The following MAPK8IP3 variants were observed in gnomAD, a reference collection of about 807,000 sequenced individuals.
MAPK8IP3 encodes the protein C-Jun-amino-terminal kinase-interacting protein 3.
In MAPK8IP3, 49 loss-of-function variants were observed where a neutral mutation model predicts 157.8. That is an observed-to-expected ratio of 0.31 (90% CI 0.25 to 0.39). MAPK8IP3 has a LOEUF of 0.39. Among genes scored for constraint, MAPK8IP3 ranks in the 10% least tolerant of loss-of-function variants. The pLI, the probability that MAPK8IP3 is intolerant of heterozygous loss-of-function variation, is 1.00. For synonymous variants in MAPK8IP3, 897 were observed against 777.7 expected (o/e 1.15, Z -2.55); for missense variants, 1,478 against 1,889.4 (o/e 0.78, Z 4.04).
chr16:1,750,049 T>C (rs2041201048), intron 8 of MAPK8IP3, among the ~76,000 whole-genome samples: 3 of 152,084 alleles, frequency 2.0e-5, no homozygotes, highest in Admixed American at 2.0e-4. Flanking sequence ...GGGCGCACTT[T>C]GGTGCTGTGA....
chr16:1,720,805 CA>C (rs1567142660), intron 1 of MAPK8IP3, among the ~76,000 whole-genome samples: 1 of 152,150 alleles, frequency 6.6e-6, no homozygotes, highest in Non-Finnish European at 1.5e-5. Flanking sequence ...GAGGCAGAAG[CA>C]GGCGGATCAC....
Position 1,761,311 on chromosome 16 carries a change from T to C in MAPK8IP3, c.1539+6T>C, listed in dbSNP as rs778127682. 1 of 1,611,886 alleles carries C rather than the reference T, an allele frequency of 6.2e-7. No individual in the cohort carries two copies. Among genetic ancestry groups the C allele is most frequent in the Non-Finnish European group, 8.5e-7 (1 of 1,178,954 alleles). ...GCTATCTCTGTACAGAATCGGTACA[T>C]CCACTCTTCACTCTTCACATGCGGG... On this transcript the variant is annotated splice_donor_region_variant and intron_variant, in intron 13 of 31. Coordinates refer to ENST00000610761, the MANE Select transcript of MAPK8IP3 (RefSeq NM_001318852.2).
chr16:1,728,485 A>G (rs1422479320), intron 2 of MAPK8IP3, among the ~76,000 whole-genome samples: 1 of 152,204 alleles, frequency 6.6e-6, no homozygotes, highest in African/African-American at 2.4e-5. Context: ...GGCTGACTTT[A>G]GCACAGAGAG....
intron 2 of MAPK8IP3, among the ~76,000 whole-genome samples, chr16:1,725,149 T>TTTTTTA (rs368464070): frequency 1.1e-3 from 165 of 144,472 alleles, no homozygotes; most frequent in Non-Finnish European, 1.9e-3. Context: ...GCAGAAAGGG[T>TTTTTTA]TTATTATTAT....
chr16:1,768,970 G>T lies in MAPK8IP3; in HGVS notation c.*146G>T, dbSNP rs773982203. ...TTCACCTGAGTCTGGCCCCTCCAGCGGGCAGGGAGTGCGGGGATGCGGATC... is the reference window on the plus strand; with the variant it reads ...TTCACCTGAGTCTGGCCCCTCCAGCTGGCAGGGAGTGCGGGGATGCGGATC... On this transcript the variant is annotated 3_prime_UTR_variant, in exon 32 of 32. Transcript: ENST00000610761. The T allele has an allele frequency of 3.2e-6, 3 of 934,582 alleles. No homozygotes were observed. Among genetic ancestry groups the T allele is most frequent in the Admixed American group, 2.5e-5 (1 of 40,800 alleles). The allele number at this position is 934,582 out of a possible 1,614,324, so 57.9% of individuals were successfully genotyped here.
Position 1,724,732 on chromosome 16 carries a change from G to A in MAPK8IP3, c.439+55G>A, listed in dbSNP as rs1381417605. On this transcript the variant is annotated intron_variant, in intron 2 of 31. Transcript: ENST00000610761. The surrounding 1 kb of genome is among the most constrained non-coding windows in gnomAD (Gnocchi z 4.1). Reference sequence around the variant, plus strand: ...GCTTGATGGGCGCTGCTCTGGGACGGCTCTGGTTGGGGTGGGCATGGAGCG... The same window carrying A: ...GCTTGATGGGCGCTGCTCTGGGACGACTCTGGTTGGGGTGGGCATGGAGCG... 6.3e-6 allele frequency: 10 copies of A among 1,583,844 alleles called. No individual in the cohort carries two copies. The highest frequency in any genetic ancestry group is 7.7e-6 in the Non-Finnish European group (9 of 1,161,818).
chr16:1,722,432 A>C (rs745594352), intron 1 of MAPK8IP3, among the ~76,000 whole-genome samples: 1 of 152,212 alleles, frequency 6.6e-6, no homozygotes, highest in Non-Finnish European at 1.5e-5. Context: ...CGAGGAGCCT[A>C]GTATCCGGGT....
At chr16:1,739,477 CGTGT>C (rs2040461850) in intron 4 of MAPK8IP3, among the ~76,000 whole-genome samples, 1 of 103,504 alleles carries the variant, frequency 9.7e-6, no homozygotes, top group Non-Finnish European at 1.9e-5. Context: ...TGTGACCGTC[CGTGT>C]GAGCATGTGT....
At chr16:1,734,693 CTT>C (rs1166983582) in intron 4 of MAPK8IP3, among the ~76,000 whole-genome samples, 1 of 152,262 alleles carries the variant, frequency 6.6e-6, no homozygotes, top group Non-Finnish European at 1.5e-5. Context: ...CCTGCTCTCT[CTT>C]CTCTGGTGTG....
chr16:1,709,261 G>A (rs2142260738), intron 1 of MAPK8IP3, among the ~76,000 whole-genome samples: 1 of 152,354 alleles, frequency 6.6e-6, no homozygotes, highest in South Asian at 2.1e-4. Flanking sequence ...GAGAGTGACA[G>A]GAGCTAGAGA....
chr16:1,764,011 A>G, intron 17 of MAPK8IP3, 104 bp from the exon 18 acceptor site: 1 of 1,224,394 alleles, frequency 8.2e-7, no homozygotes, highest in Non-Finnish European at 1.1e-6. Context: ...CCAGTCTTGA[A>G]GTGGCTGTGC....
chr16:1,766,698 C>T (rs376666067), intron 23 of MAPK8IP3, 25 bp from the exon 24 acceptor site: 24 of 1,612,624 alleles, frequency 1.5e-5, no homozygotes, highest in Admixed American at 1.2e-4. Flanking sequence ...GTGAGCCCCT[C>T]GCCCATCGCC....
rs981294648 is a variant in MAPK8IP3 at position 1,742,036 on chromosome 16, G to A, written c.603-1296G>A. ...GCAGGTTCCTTGAACCCCTGAGGAA[G>A]CTCCCTTCCCTCCTACAGTCTCAGG... On this transcript the variant is annotated intron_variant, in intron 4 of 31. Transcript: ENST00000610761. This position sits in a 1 kb window ranked among gnomAD's most constrained non-coding sequence, Gnocchi z 5.0. Among the ~76,000 whole-genome samples, 7 of 152,156 alleles carry A rather than the reference G, an allele frequency of 4.6e-5. No individual in the cohort carries two copies. The highest frequency in any genetic ancestry group is 1.7e-4 in the African/African-American group (7 of 41,434).
In MAPK8IP3 at chr16:1,710,084, G is replaced by T. The variant is rs1029489662; in HGVS notation, c.318+3427G>T. 7.2e-5 allele frequency among the ~76,000 whole-genome samples: 11 copies of T among 152,134 alleles called. No individual in the cohort carries two copies. The highest frequency in any genetic ancestry group is 2.7e-4 in the African/African-American group (11 of 41,442). ...GTTAAATAAAAGTTACCGGCCAGGCGCAGCGACTCTCACATGTGTAATCCC... is the reference window on the plus strand; with the variant it reads ...GTTAAATAAAAGTTACCGGCCAGGCTCAGCGACTCTCACATGTGTAATCCC... On this transcript the variant is annotated intron_variant, in intron 1 of 31. Coordinates refer to ENST00000610761, the MANE Select transcript of MAPK8IP3 (RefSeq NM_001318852.2). This position sits in a 1 kb window ranked among gnomAD's most constrained non-coding sequence, Gnocchi z 4.1.
chr16:1,729,768 G>T (rs1215656052), intron 4 of MAPK8IP3, among the ~76,000 whole-genome samples, 190 bp downstream of exon 4: 1 of 152,144 alleles, frequency 6.6e-6, no homozygotes, highest in Non-Finnish European at 1.5e-5. Context: ...TGGGGGGGCG[G>T]CCCTGGGCGA....
intron 4 of MAPK8IP3, among the ~76,000 whole-genome samples, chr16:1,739,046 C>CCGTGTAAG (rs2040374252): frequency 8.1e-6 from 1 of 123,744 alleles, no homozygotes; most frequent in Non-Finnish European, 1.6e-5. Context: ...GTGTGAGCGT[C>CCGTGTAAG]CGTGTGAGCG....
chr16:1,747,305 C>T, intron 6 of MAPK8IP3, 30 bp downstream of exon 6: 1 of 1,604,708 alleles, frequency 6.2e-7, no homozygotes. Context: ...ACTCTGGGCT[C>T]CCTCGGGCAG....
intron 4 of MAPK8IP3, among the ~76,000 whole-genome samples, chr16:1,736,119 CGT>C (rs1198749878): frequency 8.2e-4 from 82 of 99,706 alleles, no homozygotes; most frequent in Admixed American, 1.1e-3. Flanking sequence ...TGTGACCGTC[CGT>C]GTGTGTGACC....
chr16:1,747,639 A>G (rs556785514), intron 6 of MAPK8IP3, among the ~76,000 whole-genome samples: 1 of 152,358 alleles, frequency 6.6e-6, no homozygotes, highest in East Asian at 1.9e-4. Flanking sequence ...GCTAGGGGGT[A>G]TCTATTAACA....
Sources: gnomAD v4.1 joint callset for allele counts (sites outside exome capture counted in the v4.1 genomes callset) on GRCh38, gnomAD v4.1.1 for gene constraint, Gnocchi (gnomAD v3.1) non-coding constraint, MANE v1.5 for transcripts, NCBI Gene and HGNC (gene_info 2026-07-23, HGNC 2026-07-21) for gene names.